SYNE2: variants seen among roughly 807,000 people sequenced by gnomAD.
SYNE2 encodes nesprin-2.
In SYNE2, 431 loss-of-function variants were observed where a neutral mutation model predicts 856.3. The observed-to-expected ratio is 0.50, with a 90% confidence interval of 0.47 to 0.55. SYNE2 has a LOEUF of 0.55. Ranked by LOEUF, SYNE2 falls within the 20% of genes least tolerant of loss-of-function variation. SYNE2 has a pLI of 0.00. For synonymous variants in SYNE2, 2,923 were observed against 2,872.3 expected, an observed-to-expected ratio of 1.02 and a Z score of -0.56; for missense variants, 8,129 against 8,023.2, an observed-to-expected ratio of 1.01 and a Z score of -0.50.
chr14:64,032,101 A>C (rs2097042538), intron 45 of SYNE2, among the ~76,000 whole-genome samples: 2 of 152,238 alleles, frequency 1.3e-5, no homozygotes, highest in South Asian at 4.1e-4. Context: ...GGGAGTAAGT[A>C]ATCAACAGGA....
At chr14:64,220,302 C>A in intron 110 of SYNE2, 135 bp from the exon 111 acceptor site, 1 of 994,574 alleles carries the variant, frequency 1.0e-6, no homozygotes, top group Non-Finnish European at 1.5e-6. Context: ...CAGCCAGTCC[C>A]AGGCGAGGTC....
At chr14:63,828,720 G>T (rs374922863) in intron 1 of SYNE2, among the ~76,000 whole-genome samples, 3 of 152,038 alleles carry the variant, frequency 2.0e-5, no homozygotes, top group African/African-American at 7.2e-5. Context: ...AACAGAGTGA[G>T]ACTCCATCTC....
intron 66 of SYNE2, among the ~76,000 whole-genome samples, chr14:64,116,253 A>G (rs2097853218): frequency 6.6e-6 from 1 of 152,068 alleles, no homozygotes; most frequent in Non-Finnish European, 1.5e-5. Flanking sequence ...GAATTGTTTA[A>G]TTTTGATTAT....
intron 2 of SYNE2, among the ~76,000 whole-genome samples, chr14:63,923,543 A>G (rs1187234648): frequency 6.6e-6 from 1 of 152,248 alleles, no homozygotes; most frequent in Non-Finnish European, 1.5e-5. Flanking sequence ...CTATAGCATG[A>G]AAGCTCTGGG....
intron 58 of SYNE2, among the ~76,000 whole-genome samples, 190 bp from the exon 59 acceptor site, chr14:64,089,369 GAAAAAAAAAAAAAAA>G (rs57358817): frequency 7.9e-5 from 4 of 50,462 alleles, no homozygotes; most frequent in South Asian, 1.2e-3. Context: ...TCCGTCTCAG[GAAAAAAAAAAAAAAA>G]AAAAAAAAAA....
chr14:63,949,321 A>C (rs2096112238), intron 6 of SYNE2, among the ~76,000 whole-genome samples: 1 of 152,102 alleles, frequency 6.6e-6, no homozygotes, highest in South Asian at 2.1e-4. Flanking sequence ...TATACATTTA[A>C]ATTTCTTAAA....
chr14:63,988,041 T>G (rs1016838573), intron 19 of SYNE2, among the ~76,000 whole-genome samples: 1 of 152,210 alleles, frequency 6.6e-6, no homozygotes, highest in Non-Finnish European at 1.5e-5. Context: ...CTTAATCCTG[T>G]GTTATGCTCA....
At chr14:64,013,679 G>C (rs1294642655) in intron 32 of SYNE2, among the ~76,000 whole-genome samples, 1 of 152,204 alleles carries the variant, frequency 6.6e-6, no homozygotes, top group Non-Finnish European at 1.5e-5. Context: ...TGAACCAGGA[G>C]AACGAAGACC....
chr14:63,913,740 G>A lies in SYNE2; in HGVS notation c.79+4513G>A, dbSNP rs563573414. 2.1e-3 allele frequency among the ~76,000 whole-genome samples: 297 copies of A among 144,594 alleles called. 1 individual carries two copies. Among genetic ancestry groups the A allele is most frequent in the Non-Finnish European group, 3.3e-3 (220 of 65,792 alleles). 94.9% of individuals were successfully genotyped at this position (144,594 alleles called of 152,430 possible). On this transcript the variant is annotated intron_variant, in intron 2 of 115. Coordinates refer to ENST00000555002, the MANE Select transcript of SYNE2 (RefSeq NM_182914.3). ...GGCTCCCAAAGTGCTGGGATTATAGGCGTGAGCCACAACACCTGGCCAGCA... is the reference window on the plus strand; with the variant it reads ...GGCTCCCAAAGTGCTGGGATTATAGACGTGAGCCACAACACCTGGCCAGCA...
chr14:63,872,075 C>T (rs766871415), intron 1 of SYNE2, among the ~76,000 whole-genome samples: 3 of 152,066 alleles, frequency 2.0e-5, no homozygotes, highest in African/African-American at 4.8e-5. Flanking sequence ...TGTGTGGGCC[C>T]GGCCGTGTCA....
intron 1 of SYNE2, among the ~76,000 whole-genome samples, chr14:63,859,621 A>G (rs1318958778): frequency 1.3e-5 from 2 of 152,224 alleles, no homozygotes; most frequent in Admixed American, 1.3e-4. Flanking sequence ...GCTGGAGACC[A>G]GCCTGGCCAA....
intron 7 of SYNE2, 35 bp from the exon 8 acceptor site, chr14:63,954,684 A>G (rs2096217879): frequency 1.9e-6 from 3 of 1,595,800 alleles, no homozygotes; most frequent in South Asian, 2.2e-5. Context: ...GTTCTTTTTA[A>G]TGGTATTTGT....
intron 1 of SYNE2, among the ~76,000 whole-genome samples, chr14:63,860,972 G>A (rs1380661068): frequency 2.0e-5 from 3 of 151,844 alleles, no homozygotes; most frequent in East Asian, 1.9e-4. Flanking sequence ...AACCTATTGA[G>A]TATAACCTTG....
rs771989014 is a variant in SYNE2, at chr14:64,167,419, A to G, written c.16760+32A>G. 26 of 1,614,106 alleles carry G rather than the reference A, an allele frequency of 1.6e-5. No individual in the cohort carries two copies. The Middle Eastern group carries it at 4.9e-4, about 31-fold the overall frequency. ...ACATCCCTTCTCTGTCGTTGTTTCAATTAAGGTAAAATTAACGGCTTCAGC... is the reference window on the plus strand; with the variant it reads ...ACATCCCTTCTCTGTCGTTGTTTCAGTTAAGGTAAAATTAACGGCTTCAGC... On this transcript the variant is annotated intron_variant, in intron 91 of 115. Transcript: ENST00000555002.
At chr14:63,964,724 A>G (rs1032442524) in intron 10 of SYNE2, among the ~76,000 whole-genome samples, 1 of 151,884 alleles carries the variant, frequency 6.6e-6, no homozygotes, top group Non-Finnish European at 1.5e-5. Flanking sequence ...GGGTTTCTCC[A>G]TGTTGGTCAG....
chr14:63,771,629 T>A (rs1298191881), intron 1 of SYNE2, among the ~76,000 whole-genome samples: 2 of 152,142 alleles, frequency 1.3e-5, no homozygotes, highest in Non-Finnish European at 1.5e-5. Context: ...CCGGGCATGG[T>A]GGCTTACGCC....
rs753968257 is a variant in SYNE2 at position 64,052,137 on chromosome 14, T to A, written c.8224T>A (p.Trp2742Arg). The A allele has an allele frequency of 1.9e-6, 3 of 1,614,062 alleles. No homozygotes were observed. The African/African-American group carries it at 4.0e-5, about 22-fold the overall frequency. ...GAACAAGATGAAAGAGACTATCTTATGGGCCAAGAATTTGTTGGGTGAACT... is the reference window on the plus strand; with the variant it reads ...GAACAAGATGAAAGAGACTATCTTAAGGGCCAAGAATTTGTTGGGTGAACT... ...IRNKMKETIL[W>R]AKNLLGELNP... Residue 2742 changes from tryptophan (W) to arginine (R), a missense_variant, in exon 48 of 116, where the codon TGG becomes AGG. Trp to Arg is a moderately radical substitution (Grantham distance 101). This residue lies in a region of SYNE2 where 5,410 missense variants were observed against 5,284.8 expected (regional missense o/e 1.02). Transcript: ENST00000555002.
At chr14:63,854,371 C>G (rs1037724080) in intron 1 of SYNE2, among the ~76,000 whole-genome samples, 1 of 152,126 alleles carries the variant, frequency 6.6e-6, no homozygotes, top group Non-Finnish European at 1.5e-5. Context: ...TAAACATGTT[C>G]AGAGGAGAGT....
At chr14:64,037,837 G>C (rs555408020) in intron 45 of SYNE2, among the ~76,000 whole-genome samples, 164 of 149,662 alleles carry the variant, frequency 1.1e-3, no homozygotes, top group African/African-American at 3.8e-3. Flanking sequence ...CTGGCTGGGC[G>C]GGGGGCTGAC....
Sources: gnomAD v4.1 joint callset for allele counts (sites outside exome capture counted in the v4.1 genomes callset) on GRCh38, gnomAD v4.1.1 for gene constraint, gnomAD v4.1.1 regional missense constraint, MANE v1.5 for transcripts, NCBI Gene and HGNC (gene_info 2026-07-23, HGNC 2026-07-21) for gene names.